OOEP: variants seen among roughly 807,000 people sequenced by gnomAD.
OOEP encodes the protein oocyte-expressed protein homolog.
In OOEP, 16 loss-of-function variants were observed where a neutral mutation model predicts 13.7. The observed-to-expected ratio is 1.16, with a 90% CI of 0.79 to 1.77. The LOEUF is 1.77. OOEP is among the 40% of genes most tolerant of loss of function. The pLI is 0.00. For missense variants in OOEP, 195 were observed against 193.1 expected (o/e 1.01, Z -0.06); for synonymous variants, 89 against 77.1 (o/e 1.15, Z -0.81).
At chr6:73,383,597 T>G (rs1294762641) in intron 2 of OOEP, among the ~76,000 whole-genome samples, 4 of 152,052 alleles carry the variant, frequency 2.6e-5, no homozygotes, top group African/African-American at 7.2e-5. Context: ...ATTGCGCCAC[T>G]GCACTCCAGC....
chr6:73,380,709 TG>T (rs894686719), intron 2 of OOEP, among the ~76,000 whole-genome samples: 27 of 151,920 alleles, frequency 1.8e-4, no homozygotes, highest in South Asian at 2.1e-4. Flanking sequence ...AACTTTGAGT[TG>T]TTTTTTGTTT....
chr6:73,374,932 T>C (rs1188892820), intron 2 of OOEP, among the ~76,000 whole-genome samples: 1 of 152,150 alleles, frequency 6.6e-6, no homozygotes, highest in Non-Finnish European at 1.5e-5. Context: ...TTCAAGCTAT[T>C]CTCCTGCCAC....
At chr6:73,369,560 G>T in intron 1 of OOEP, 43 bp downstream of exon 1, 1 of 1,590,764 alleles carries the variant, frequency 6.3e-7, no homozygotes, top group Non-Finnish European at 8.6e-7. Context: ...GCCTCTCTCA[G>T]ACTGGAGGTG....
At chr6:73,385,959 C>T (rs1438937631) in intron 2 of OOEP, among the ~76,000 whole-genome samples, 1 of 152,126 alleles carries the variant, frequency 6.6e-6, no homozygotes, top group Non-Finnish European at 1.5e-5. Context: ...AATTCCTTCC[C>T]CTGAAAGATC....
In OOEP at chr6:73,369,395, T is replaced by TAAGG; in HGVS notation, c.191-14_191-11dup. 6.2e-7 allele frequency: 1 copy of TAAGG among 1,605,658 alleles called. No homozygotes were observed. Among genetic ancestry groups the TAAGG allele is most frequent in the Non-Finnish European group, 8.5e-7 (1 of 1,176,446 alleles). ...ATGGCTCGGTCTGGGCCTAAACAAG[T>TAAGG]AAGGAAAAACTCTGAGGGGCTGCAC... is the stretch of plus-strand genomic sequence containing the variant. On this transcript the variant is annotated splice_polypyrimidine_tract_variant and intron_variant, in intron 1 of 2. Transcript: ENST00000370359.
At chr6:73,391,126 AT>A (rs1375221805) in intron 2 of OOEP, 2 of 151,922 alleles carry the variant, frequency 1.3e-5, no homozygotes, top group Non-Finnish European at 2.9e-5. Context: ...GGCTTCCTTT[AT>A]TCTCTTGTCC....
intron 2 of OOEP, among the ~76,000 whole-genome samples, chr6:73,393,923 G>A (rs1349821535): frequency 6.6e-6 from 1 of 152,234 alleles, no homozygotes; most frequent in Non-Finnish European, 1.5e-5. Flanking sequence ...CATCAGGTGG[G>A]TAGTGTGCCC....
At chr6:73,388,157 G>C (rs1254275724) in intron 2 of OOEP, among the ~76,000 whole-genome samples, 1 of 152,172 alleles carries the variant, frequency 6.6e-6, no homozygotes, top group Non-Finnish European at 1.5e-5. Context: ...GATTACAGGC[G>C]TGAGACACCG....
chr6:73,386,653 A>G (rs1475658317), intron 2 of OOEP, among the ~76,000 whole-genome samples: 1 of 152,032 alleles, frequency 6.6e-6, no homozygotes, highest in Non-Finnish European at 1.5e-5. Context: ...ACCTCACGAC[A>G]TACACAAAAA....
chr6:73,388,913 C>A (rs1769309617), intron 2 of OOEP, among the ~76,000 whole-genome samples: 2 of 151,948 alleles, frequency 1.3e-5, no homozygotes, highest in African/African-American at 2.4e-5. Flanking sequence ...CCTTGCCTGG[C>A]GGAGTCGGAG....
upstream of OOEP, among the ~76,000 whole-genome samples, chr6:73,373,701 T>C (rs1769095716): frequency 6.6e-6 from 1 of 152,124 alleles, no homozygotes; most frequent in Non-Finnish European, 1.5e-5. Context: ...GTGATTCTCC[T>C]GCCTAGGCCT....
upstream of OOEP, among the ~76,000 whole-genome samples, chr6:73,372,000 T>C (rs1232619472): frequency 6.6e-6 from 1 of 151,772 alleles, no homozygotes; most frequent in Non-Finnish European, 1.5e-5. Flanking sequence ...CCCAGCCCTT[T>C]AGGAGGTGGA....
intron 2 of OOEP, among the ~76,000 whole-genome samples, chr6:73,388,123 C>T (rs1417053629): frequency 1.3e-5 from 2 of 152,140 alleles, no homozygotes; most frequent in East Asian, 1.9e-4. Context: ...GTGATCTGTC[C>T]GCCTCGGCCT....
At chr6:73,370,380 G>A (rs545866682), upstream of OOEP, among the ~76,000 whole-genome samples, 1 of 152,190 alleles carries the variant, frequency 6.6e-6, no homozygotes, top group Non-Finnish European at 1.5e-5. Flanking sequence ...TATAGAACAT[G>A]TAGCAAGTTA....
chr6:73,370,300 C>T (rs532909482), upstream of OOEP, among the ~76,000 whole-genome samples: 3 of 152,210 alleles, frequency 2.0e-5, no homozygotes, highest in African/African-American at 7.2e-5. Context: ...TCTGACTCTC[C>T]GGATGGTTAC....
chr6:73,394,828 A>C, exon 1 of OOEP: 1 of 1,558,552 alleles, frequency 6.4e-7, no homozygotes, highest in Non-Finnish European at 8.7e-7. Flanking sequence ...CTTCCCTGGC[A>C]CGCTACTCTT....
chr6:73,371,199 C>G (rs1769048664), upstream of OOEP, among the ~76,000 whole-genome samples: 1 of 152,184 alleles, frequency 6.6e-6, no homozygotes, highest in Non-Finnish European at 1.5e-5. Context: ...GCCCCTGATC[C>G]CACCCCCTCT....
At chr6:73,386,632 T>G (rs766600274) in intron 2 of OOEP, among the ~76,000 whole-genome samples, 13 of 151,974 alleles carry the variant, frequency 8.6e-5, no homozygotes, top group Non-Finnish European at 1.9e-4. Context: ...AGAAGATGAA[T>G]TTAGACCCTT....
chr6:73,395,104 G>C, upstream of OOEP: 2 of 1,614,152 alleles, frequency 1.2e-6, no homozygotes. Context: ...TGGTCACGAG[G>C]AACTGCCGCT....
Sources: gnomAD v4.1 joint callset for allele counts (sites outside exome capture counted in the v4.1 genomes callset) on GRCh38, gnomAD v4.1.1 for gene constraint, MANE v1.5 for transcripts, NCBI Gene and HGNC (gene_info 2026-07-23, HGNC 2026-07-21) for gene names.